The following ARSG variants were observed in gnomAD, a reference collection of about 807,000 sequenced individuals.
ARSG encodes ASG.
In ARSG, 37 loss-of-function variants were observed where a neutral mutation model predicts 50.5. The ratio of observed to expected loss-of-function variants is 0.73; its 90% confidence interval spans 0.56 to 0.96. The LOEUF is 0.96. Ranked by LOEUF, ARSG falls within the 50% of genes least tolerant of loss-of-function variation. The pLI, the probability that ARSG is intolerant of heterozygous loss-of-function variation, is 0.00. For synonymous variants in ARSG, 225 were observed against 254.6 expected, an observed-to-expected ratio of 0.88 and a Z score of 1.11; for missense variants, 629 against 675.3, an observed-to-expected ratio of 0.93 and a Z score of 0.76.
chr17:68,449,826 G>T, the ARSG span, among the ~76,000 whole-genome samples: 1 of 152,220 alleles, frequency 6.6e-6, no homozygotes, highest in African/African-American at 2.4e-5. Context: ...GAGAATAGAC[G>T]AATACACTCT....
intron 1 of ARSG, among the ~76,000 whole-genome samples, chr17:68,273,598 A>G (rs1165772836): frequency 1.3e-5 from 2 of 152,196 alleles, no homozygotes; most frequent in African/African-American, 4.8e-5. Flanking sequence ...ACAGCCCTGG[A>G]TCCTCAGACA....
rs550814336 is a variant in ARSG, at chr17:68,367,947, G to C, written c.705-601G>C. On this transcript the variant is annotated intron_variant, in intron 6 of 11. Transcript: ENST00000621439. This position sits in a 1 kb window ranked among gnomAD's most constrained non-coding sequence, Gnocchi z 4.5. ...TAGACGGGCATGGGGGTGGGCACCT[G>C]TAATTCCAGCTACTCAGGAGGCTGA... is the stretch of plus-strand genomic sequence containing the variant. Among the ~76,000 whole-genome samples, 19 of 152,246 alleles carry C rather than the reference G, an allele frequency of 1.2e-4. No individual in the cohort carries two copies. Among genetic ancestry groups the C allele is most frequent in the African/African-American group, 4.6e-4 (19 of 41,550 alleles).
intron 1 of ARSG, among the ~76,000 whole-genome samples, chr17:68,265,410 C>T (rs2075138632): frequency 6.6e-6 from 1 of 152,126 alleles, no homozygotes; most frequent in African/African-American, 2.4e-5. Flanking sequence ...AGGAGAATTG[C>T]TTGAACTCTG....
the ARSG span, among the ~76,000 whole-genome samples, chr17:68,445,696 C>T: frequency 6.6e-5 from 10 of 152,142 alleles, no homozygotes; most frequent in Non-Finnish European, 1.0e-4. Context: ...GTTGATGTAT[C>T]GGGTGTTTAA....
intron 2 of ARSG, among the ~76,000 whole-genome samples, chr17:68,337,775 G>C (rs967193951): frequency 2.6e-5 from 4 of 151,622 alleles, no homozygotes; most frequent in African/African-American, 9.7e-5. Context: ...GTGCCACCAC[G>C]CCCGGCTAAT....
At chr17:68,353,261 G>A (rs891809304) in intron 5 of ARSG, among the ~76,000 whole-genome samples, 1 of 151,922 alleles carries the variant, frequency 6.6e-6, no homozygotes, top group East Asian at 1.9e-4. Context: ...AGGTTACACC[G>A]GAGCTGGAAA....
intron 10 of ARSG, among the ~76,000 whole-genome samples, chr17:68,396,344 T>G (rs991733837): frequency 6.6e-6 from 1 of 152,170 alleles, no homozygotes; most frequent in Non-Finnish European, 1.5e-5. Context: ...CAAGCAGACC[T>G]TGGCAATGGC....
At chr17:68,281,961 G>C (rs987068254) in intron 1 of ARSG, among the ~76,000 whole-genome samples, 1 of 152,146 alleles carries the variant, frequency 6.6e-6, no homozygotes, top group East Asian at 1.9e-4. Flanking sequence ...CAAGGATCTA[G>C]AACTGGAAAT....
chr17:68,344,958 C>T (rs927786551), intron 3 of ARSG, among the ~76,000 whole-genome samples: 7 of 152,188 alleles, frequency 4.6e-5, no homozygotes, highest in Non-Finnish European at 7.4e-5. Context: ...TATCCTTTTA[C>T]GGAAGCTCAA....
At chr17:68,450,507 C>G in the ARSG span, among the ~76,000 whole-genome samples, 1 of 152,208 alleles carries the variant, frequency 6.6e-6, no homozygotes, top group South Asian at 2.1e-4. Context: ...CAGGGACCAA[C>G]GTTCTGGAAA....
intron 1 of ARSG, among the ~76,000 whole-genome samples, chr17:68,265,802 T>C (rs1420124804): frequency 6.6e-6 from 1 of 151,950 alleles, no homozygotes; most frequent in Non-Finnish European, 1.5e-5. Flanking sequence ...ATATATTTCC[T>C]GTGTGAAAAT....
chr17:68,356,145 G>T (rs2079023137), intron 5 of ARSG, among the ~76,000 whole-genome samples: 1 of 152,212 alleles, frequency 6.6e-6, no homozygotes, highest in Non-Finnish European at 1.5e-5. Context: ...GTCTCCCAAA[G>T]TGCTGGGATC....
chr17:68,369,182 TAA>T (rs2079700232), intron 7 of ARSG, among the ~76,000 whole-genome samples: 1 of 152,190 alleles, frequency 6.6e-6, no homozygotes, highest in African/African-American at 2.4e-5. Context: ...GTGGCCTCTT[TAA>T]AGGCCTCACA....
intron 2 of ARSG, among the ~76,000 whole-genome samples, chr17:68,325,364 G>C (rs2077463858): frequency 1.3e-5 from 2 of 151,954 alleles, no homozygotes; most frequent in Non-Finnish European, 2.9e-5. Context: ...AACAAGCTCA[G>C]GGCTCCCACT....
At chr17:68,364,731 A>C (rs549607960) in intron 6 of ARSG, among the ~76,000 whole-genome samples, 37 of 152,278 alleles carry the variant, frequency 2.4e-4, no homozygotes, top group Middle Eastern at 6.8e-3. Context: ...GGTTTTATTA[A>C]GGTATAGTTG....
At chr17:68,313,700 G>A (rs1361254211) in intron 2 of ARSG, among the ~76,000 whole-genome samples, 2 of 24,358 alleles carry the variant, frequency 8.2e-5, no homozygotes, top group African/African-American at 1.5e-4. Flanking sequence ...TTTTTTTTGA[G>A]ACACAGTTTC....
chr17:68,427,129 A>T (rs1261654884), downstream of ARSG: 6 of 1,612,214 alleles, frequency 3.7e-6, no homozygotes, highest in Middle Eastern at 1.7e-4. Context: ...CCCCGTGTCC[A>T]CCCACCTGGC....
intron 8 of ARSG, among the ~76,000 whole-genome samples, chr17:68,376,939 A>G (rs1442268574): frequency 6.6e-6 from 1 of 151,466 alleles, no homozygotes; most frequent in Non-Finnish European, 1.5e-5. Context: ...AGCTCACTGC[A>G]AACTCCACCT....
exon 1 of ARSG, chr17:68,259,393 C>A (rs2075039138): frequency 6.6e-6 from 1 of 152,214 alleles, no homozygotes; most frequent in African/African-American, 2.4e-5. Context: ...TGGGCACAGC[C>A]TTGGAAAGTC....
Sources: gnomAD v4.1 joint callset for allele counts (sites outside exome capture counted in the v4.1 genomes callset) on GRCh38, gnomAD v4.1.1 for gene constraint, Gnocchi (gnomAD v3.1) non-coding constraint, MANE v1.5 for transcripts, NCBI Gene and HGNC (gene_info 2026-07-23, HGNC 2026-07-21) for gene names.